CNTNAP2: variants seen among roughly 807,000 people sequenced by gnomAD.
The protein encoded by CNTNAP2 is contactin-associated protein-like 2.
In CNTNAP2, 98 loss-of-function variants were observed where a neutral mutation model predicts 155.2. That is an observed-to-expected ratio of 0.63 (90% CI 0.54 to 0.75). The LOEUF (loss-of-function observed/expected upper bound fraction) is 0.75, where lower values mean the gene tolerates loss of function less well. CNTNAP2 is among the 30% of genes least tolerant of loss of function. CNTNAP2 has a pLI of 0.00. For missense variants in CNTNAP2, 1,727 were observed against 1,688.1 expected, an observed-to-expected ratio of 1.02 and a Z score of -0.40; for synonymous variants, 651 against 631.2, an observed-to-expected ratio of 1.03 and a Z score of -0.47.
At chr7:147,855,782 A>G (rs912930748) in intron 13 of CNTNAP2, among the ~76,000 whole-genome samples, 1 of 152,314 alleles carries the variant, frequency 6.6e-6, no homozygotes. Context: ...TAAAGATGAA[A>G]CATCTACTAA....
intron 3 of CNTNAP2, among the ~76,000 whole-genome samples, chr7:146,928,537 A>T (rs940847507): frequency 6.6e-6 from 1 of 152,140 alleles, no homozygotes; most frequent in African/African-American, 2.4e-5. Flanking sequence ...CTGCATTTCC[A>T]TCTGAGGTAC....
intron 3 of CNTNAP2, among the ~76,000 whole-genome samples, chr7:146,930,467 C>A (rs1442010289): frequency 6.6e-6 from 1 of 150,490 alleles, no homozygotes; most frequent in Admixed American, 6.7e-5. Context: ...ACAACTGGTA[C>A]CAGCCACTGC....
intron 22 of CNTNAP2, among the ~76,000 whole-genome samples, chr7:148,397,548 G>T (rs937116225): frequency 2.6e-5 from 4 of 152,098 alleles, no homozygotes; most frequent in African/African-American, 9.7e-5. Context: ...TATGTAATTT[G>T]CATACCTGTT....
intron 13 of CNTNAP2, among the ~76,000 whole-genome samples, chr7:147,733,723 G>GA (rs1390501054): frequency 1.3e-5 from 2 of 152,126 alleles, no homozygotes; most frequent in Non-Finnish European, 2.9e-5. Context: ...TCTCCTTGAA[G>GA]AGGTCCTTCA....
At chr7:147,504,454 C>T (rs1034590466) in intron 11 of CNTNAP2, among the ~76,000 whole-genome samples, 5 of 151,864 alleles carry the variant, frequency 3.3e-5, no homozygotes, top group East Asian at 1.9e-4. Flanking sequence ...TTTGGGAGGC[C>T]GAGGCGGGAG....
At chr7:146,195,474 T>G (rs1218910293) in intron 1 of CNTNAP2, among the ~76,000 whole-genome samples, 1 of 152,208 alleles carries the variant, frequency 6.6e-6, no homozygotes, top group African/African-American at 2.4e-5. Flanking sequence ...AGTGGCTTCT[T>G]TACAGCTTTC....
At chr7:148,331,129 GTGGA>G (rs1224580634) in intron 21 of CNTNAP2, among the ~76,000 whole-genome samples, 6 of 129,088 alleles carry the variant, frequency 4.6e-5, no homozygotes, top group Middle Eastern at 7.8e-3. Context: ...GATGGGATGG[GTGGA>G]TGGATGGATG....
At chr7:146,842,781 T>C (rs188510127) in intron 3 of CNTNAP2, among the ~76,000 whole-genome samples, 1 of 149,564 alleles carries the variant, frequency 6.7e-6, no homozygotes, top group African/African-American at 2.5e-5. Flanking sequence ...CGCCTCCCGG[T>C]TTCACGCCAT....
At chr7:147,272,530 G>T (rs1334437467) in intron 8 of CNTNAP2, among the ~76,000 whole-genome samples, 1 of 151,486 alleles carries the variant, frequency 6.6e-6, no homozygotes, top group African/African-American at 2.4e-5. Flanking sequence ...ACAGAGTCCG[G>T]CTCTGTCGCC....
At chr7:146,788,599 C>G (rs566157385) in intron 2 of CNTNAP2, among the ~76,000 whole-genome samples, 9 of 152,224 alleles carry the variant, frequency 5.9e-5, no homozygotes, top group Non-Finnish European at 1.3e-4. Context: ...CATTTATATT[C>G]CCAAACCTTC....
chr7:146,527,573 A>AACTCC (rs1797709513), intron 1 of CNTNAP2, among the ~76,000 whole-genome samples: 1 of 150,276 alleles, frequency 6.7e-6, no homozygotes, highest in African/African-American at 2.5e-5. Flanking sequence ...TTGGAAATTG[A>AACTCC]TGATTTCACA....
chr7:146,729,544 A>G (rs1801488180), intron 1 of CNTNAP2, among the ~76,000 whole-genome samples: 1 of 152,022 alleles, frequency 6.6e-6, no homozygotes, highest in African/African-American at 2.4e-5. Flanking sequence ...AACAATAACT[A>G]GTATAGATGA....
chr7:148,333,445 C>T (rs13230999), intron 21 of CNTNAP2, among the ~76,000 whole-genome samples: 105,207 of 139,570 alleles, frequency 0.75, 36,667 homozygotes, highest in East Asian at 0.9. Context: ...AAAAAAAAAA[C>T]ACTCATTTTT....
intron 2 of CNTNAP2, among the ~76,000 whole-genome samples, chr7:146,787,208 C>G (rs189069396): frequency 6.6e-6 from 1 of 152,242 alleles, no homozygotes; most frequent in Non-Finnish European, 1.5e-5. Flanking sequence ...CCTGAGTGTT[C>G]TAGAGGGTGG....
chr7:147,586,388 A>T (rs1400763152), intron 12 of CNTNAP2, among the ~76,000 whole-genome samples: 2 of 151,964 alleles, frequency 1.3e-5, no homozygotes, highest in Non-Finnish European at 2.9e-5. Context: ...CTTCCTTTCT[A>T]TCAGGGTCTG....
chr7:146,958,776 A>G (rs368420141), intron 3 of CNTNAP2, among the ~76,000 whole-genome samples: 13 of 152,148 alleles, frequency 8.5e-5, no homozygotes, highest in African/African-American at 3.1e-4. Context: ...TATAGCCTCA[A>G]TATATTGTTG....
intron 3 of CNTNAP2, among the ~76,000 whole-genome samples, chr7:146,994,289 C>G (rs1302364736): frequency 6.6e-6 from 1 of 152,040 alleles, no homozygotes; most frequent in Non-Finnish European, 1.5e-5. Context: ...GTACTGCACT[C>G]TATTTTCCTT....
At chr7:148,299,136 G>A (rs994296036) in intron 21 of CNTNAP2, among the ~76,000 whole-genome samples, 3 of 151,832 alleles carry the variant, frequency 2.0e-5, no homozygotes, top group Admixed American at 1.3e-4. Context: ...GACTACAGGC[G>A]CCCACGACCA....
intron 1 of CNTNAP2, among the ~76,000 whole-genome samples, chr7:146,495,998 T>A (rs1196883525): frequency 6.6e-6 from 1 of 152,198 alleles, no homozygotes; most frequent in Non-Finnish European, 1.5e-5. Flanking sequence ...TCCTTCCTAC[T>A]TCTTATATTT....
Sources: gnomAD v4.1 joint callset for allele counts (sites outside exome capture counted in the v4.1 genomes callset) on GRCh38, gnomAD v4.1.1 for gene constraint, MANE v1.5 for transcripts, NCBI Gene and HGNC (gene_info 2026-07-23, HGNC 2026-07-21) for gene names.